FANCA: variants seen among roughly 807,000 people sequenced by gnomAD.
FANCA encodes the protein FA complementation group A.
FANCA carries 236 observed loss-of-function variants against 194.3 expected under a neutral mutation model. That is an observed-to-expected ratio of 1.21 (90% CI 1.09 to 1.35). The LOEUF is 1.35. Among genes scored for constraint, FANCA ranks in the 40% most tolerant of loss-of-function variants. The pLI is 0.00. For synonymous variants in FANCA, 1,014 were observed against 715.8 expected (o/e 1.42, Z -6.65); for missense variants, 2,628 against 1,813.9 (o/e 1.45, Z -8.15).
At position 89,810,766 on chromosome 16, in the gene FANCA, A is replaced by C. The variant is rs1198012847; in HGVS notation, c.463T>G (p.Leu155Val). The C allele has an allele frequency of 6.2e-7, 1 of 1,613,778 alleles. No individual in the cohort carries two copies. The highest frequency in any genetic ancestry group is 1.1e-5 in the South Asian group (1 of 91,080). The change falls in exon 5 of 43, where the codon TTA becomes GTA. Residue 155 changes from leucine to valine, a missense_variant. Physicochemically the swap from Leu to Val is conservative, Grantham distance 32. Coordinates refer to ENST00000389301, the MANE Select transcript of FANCA (RefSeq NM_000135.4). ...CGGGAGAACATACTGTGTGCCAATA[A>C]ATACTGAGCAAACTCTAACAGGGAA... ...LSSLLEFAQYLLAHSMFSRLS... is the reference protein window; with the variant it reads ...LSSLLEFAQYVLAHSMFSRLS...
chr16:89,783,526 G>C (rs977640878), intron 15 of FANCA, among the ~76,000 whole-genome samples: 2 of 151,290 alleles, frequency 1.3e-5, no homozygotes, highest in Non-Finnish European at 2.9e-5. Flanking sequence ...ACTCCAGCCT[G>C]GGTGACACAG....
intron 2 of FANCA, among the ~76,000 whole-genome samples, chr16:89,815,008 G>A (rs900403127): frequency 6.6e-6 from 1 of 152,152 alleles, no homozygotes; most frequent in Non-Finnish European, 1.5e-5. Context: ...AACACAACCT[G>A]TGTGTAAGTA....
At position 89,780,845 on chromosome 16, in the gene FANCA, G is replaced by A. The variant is rs532917247; in HGVS notation, c.1627-888C>T. Among the ~76,000 whole-genome samples the A allele has an allele frequency of 8.6e-5, 13 of 150,622 alleles. No individual in the cohort carries two copies. The South Asian group carries it at 2.5e-3, about 29-fold the overall frequency. On this transcript the variant is annotated intron_variant, in intron 17 of 42. Coordinates refer to ENST00000389301, the MANE Select transcript of FANCA (RefSeq NM_000135.4). ...CTCAGGAGGTCAAGGTGAGAAGATC[G>A]TTTCAACCTAGGAGTTTGAGGCTGC...
At position 89,737,898 on chromosome 16, in the gene FANCA, C is replaced by T. The variant is rs1184479963; in HGVS notation, c.*703G>A. On this transcript the variant is annotated 3_prime_UTR_variant, in exon 43 of 43. Coordinates refer to ENST00000389301, the MANE Select transcript of FANCA (RefSeq NM_000135.4). ...CCAAATGCGACATTCGGGAGCCAAG[C>T]CTTTGCAGTAAGTGTGAGTCAGGAC... The T allele has an allele frequency of 6.2e-7, 1 of 1,607,538 alleles. No homozygotes were observed. The highest frequency in any genetic ancestry group is 8.5e-7 in the Non-Finnish European group (1 of 1,179,314).
intron 3 of FANCA, among the ~76,000 whole-genome samples, chr16:89,812,621 G>A (rs1174296730): frequency 1.6e-5 from 2 of 124,564 alleles, no homozygotes; most frequent in African/African-American, 2.9e-5. Context: ...ACTCCAGCCT[G>A]GGTAACAAGA....
intron 3 of FANCA, among the ~76,000 whole-genome samples, chr16:89,813,409 T>TAAA (rs34267963): frequency 1.5e-4 from 21 of 139,632 alleles, no homozygotes; most frequent in East Asian, 1.3e-3. Context: ...CCCTGTCTGT[T>TAAA]AAAAAAAAAA....
At chr16:89,790,509 T>C (rs1416277244) in intron 14 of FANCA, among the ~76,000 whole-genome samples, 1 of 147,364 alleles carries the variant, frequency 6.8e-6, no homozygotes, top group East Asian at 2.1e-4. Context: ...GACGGGCGGA[T>C]CATGAGGTCA....
chr16:89,799,040 C>T, intron 10 of FANCA, 126 bp downstream of exon 10: 1 of 1,614,270 alleles, frequency 6.2e-7, no homozygotes, highest in Non-Finnish European at 8.5e-7. Context: ...GTTATCGTAA[C>T]TGGCAGAGGA....
intron 6 of FANCA, among the ~76,000 whole-genome samples, chr16:89,806,776 G>C (rs1052955874): frequency 1.3e-5 from 2 of 152,282 alleles, no homozygotes; most frequent in Middle Eastern, 3.4e-3. Context: ...GCAACCATCT[G>C]ATTTCGCAAT....
intron 20 of FANCA, 42 bp downstream of exon 20, chr16:89,778,759 A>T (rs763887210): frequency 3.2e-6 from 5 of 1,582,212 alleles, no homozygotes; most frequent in Middle Eastern, 1.7e-4. Context: ...TTGTCAGAAG[A>T]AACCTGGAAG....
intron 21 of FANCA, among the ~76,000 whole-genome samples, chr16:89,774,613 C>T (rs1282177899): frequency 1.3e-5 from 2 of 150,930 alleles, no homozygotes; most frequent in Non-Finnish European, 2.9e-5. Context: ...GCCTGTAGTC[C>T]CAGCCACTCG....
chr16:89,742,709 A>C lies in FANCA; in HGVS notation c.3765+91T>G, dbSNP rs534170973. 126 of 1,443,630 alleles carry C rather than the reference A, an allele frequency of 8.7e-5. No individual in the cohort carries two copies. In the African/African-American group the frequency reaches 1.6e-3, roughly 18 times the overall value. The allele number at this position is 1,443,630 out of a possible 1,614,324, so 89.4% of individuals were successfully genotyped here. A position where few individuals can be genotyped will look rare whatever the true frequency, so the allele number is the denominator to read the frequency against. On this transcript the variant is annotated intron_variant, in intron 37 of 42. Coordinates refer to ENST00000389301, the MANE Select transcript of FANCA (RefSeq NM_000135.4). ...TCCAAGCCACATATTTGTCTTTAGAAAAACAGTTCATCAGACAAGCCCAGA... is the reference window on the plus strand; with the variant it reads ...TCCAAGCCACATATTTGTCTTTAGACAAACAGTTCATCAGACAAGCCCAGA...
chr16:89,757,875 T>G (rs2038816876), intron 30 of FANCA, among the ~76,000 whole-genome samples: 1 of 152,294 alleles, frequency 6.6e-6, no homozygotes, highest in South Asian at 2.1e-4. Context: ...ACAACGTTGT[T>G]GCTATTTTTA....
chr16:89,791,580 C>G, intron 13 of FANCA, 44 bp from the exon 14 acceptor site: 1 of 1,611,922 alleles, frequency 6.2e-7, no homozygotes, highest in Non-Finnish European at 8.5e-7. Context: ...CAAGGGCAGC[C>G]AGCAGGAACA....
intron 7 of FANCA, 82 bp downstream of exon 7, chr16:89,805,198 C>T (rs2040593424): frequency 4.6e-6 from 5 of 1,077,290 alleles, no homozygotes; most frequent in East Asian, 5.1e-5. Context: ...TGTTCTGCCT[C>T]GCAGAGCTCT....
chr16:89,789,306 TG>T (rs68096047), intron 14 of FANCA, among the ~76,000 whole-genome samples: 8,954 of 119,954 alleles, frequency 0.075, 413 homozygotes, highest in East Asian at 0.52. Context: ...TCAGAAGGCC[TG>T]GGGGGGGAGC....
In FANCA at chr16:89,795,988, G is replaced by T. The variant is rs143255238; in HGVS notation, c.924C>A (p.Gly308=). 6.2e-7 allele frequency: 1 copy of T among 1,613,950 alleles called. No homozygotes were observed. Among genetic ancestry groups the T allele is most frequent in the Non-Finnish European group, 8.5e-7 (1 of 1,179,934 alleles). Reference sequence around the variant, plus strand: ...TCAGAGGATCTGTGGAAATTACACTGCCAAGCGTGTGTCCACTGAACACTC... The same window carrying T: ...TCAGAGGATCTGTGGAAATTACACTTCCAAGCGTGTGTCCACTGAACACTC... ...WFGVFSGHTL[G]SVISTDPLKR... The change falls in exon 11 of 43, where the codon GGC becomes GGA. Residue 308 remains glycine, a synonymous_variant. Coordinates refer to ENST00000389301, the MANE Select transcript of FANCA (RefSeq NM_000135.4).
In FANCA at chr16:89,808,964, G is replaced by C. The variant is rs149373767; in HGVS notation, c.523-597C>G. ...TCTGTCACCCAGGCTGGAGTGCAGT[G>C]GCGCCATCTCGGGTCACTGTAAGCT... On this transcript the variant is annotated intron_variant, in intron 5 of 42. Transcript: ENST00000389301. 1.7e-3 allele frequency among the ~76,000 whole-genome samples: 250 copies of C among 151,472 alleles called. 1 individual carries two copies. Among genetic ancestry groups the C allele is most frequent in the African/African-American group, 5.4e-3 (222 of 41,258 alleles).
chr16:89,780,077 A>G, intron 17 of FANCA, 120 bp from the exon 18 acceptor site: 1 of 899,534 alleles, frequency 1.1e-6, no homozygotes, highest in Non-Finnish European at 1.8e-6. Context: ...CATTAAAGGT[A>G]AAGGCCCACA....
Sources: gnomAD v4.1 joint callset for allele counts (sites outside exome capture counted in the v4.1 genomes callset) on GRCh38, gnomAD v4.1.1 for gene constraint, MANE v1.5 for transcripts, NCBI Gene and HGNC (gene_info 2026-07-23, HGNC 2026-07-21) for gene names.